The following TSPAN8 variants were observed in gnomAD, a reference collection of about 807,000 sequenced individuals.
TSPAN8 encodes the protein tetraspanin-8.
A neutral mutation model predicts 32.8 loss-of-function variants in TSPAN8; 21 were observed. The ratio of observed to expected loss-of-function variants is 0.64; its 90% CI spans 0.45 to 0.92. The LOEUF is 0.92. Ranked by LOEUF, TSPAN8 falls within the 40% of genes least tolerant of loss-of-function variation. TSPAN8 has a pLI of 0.00. For missense variants in TSPAN8, 269 were observed against 281.9 expected, an observed-to-expected ratio of 0.95 and a Z score of 0.33; for synonymous variants, 95 against 94.6, an observed-to-expected ratio of 1.00 and a Z score of -0.03.
chr12:71,147,719 T>A (rs1872121065), intron 2 of TSPAN8, among the ~76,000 whole-genome samples: 1 of 152,220 alleles, frequency 6.6e-6, no homozygotes, highest in East Asian at 1.9e-4. Context: ...GTAGGATTGT[T>A]ACTTGTGAGT....
At chr12:71,142,381 A>G (rs1469723081) in intron 3 of TSPAN8, among the ~76,000 whole-genome samples, 1 of 152,198 alleles carries the variant, frequency 6.6e-6, no homozygotes, top group African/African-American at 2.4e-5. Context: ...ACTAAACACC[A>G]AATTTGTTTA....
intron 2 of TSPAN8, among the ~76,000 whole-genome samples, chr12:71,155,004 G>A (rs561154757): frequency 1.3e-5 from 2 of 152,268 alleles, no homozygotes; most frequent in East Asian, 1.9e-4. Flanking sequence ...TGTTTCATAA[G>A]GATACTTAAA....
intron 6 of TSPAN8, among the ~76,000 whole-genome samples, chr12:71,135,423 C>A (rs1871663698): frequency 1.5e-5 from 2 of 130,480 alleles, no homozygotes; most frequent in Admixed American, 8.3e-5. Context: ...AGGAGGAAAA[C>A]AAGAGGAGGA....
chr12:71,155,366 GA>G (rs547326620), intron 2 of TSPAN8, among the ~76,000 whole-genome samples: 2 of 150,304 alleles, frequency 1.3e-5, no homozygotes, highest in East Asian at 1.9e-4. Context: ...ATTGTCGTGT[GA>G]AAAAAAAAGG....
chr12:71,148,256 A>G (rs189645607), intron 2 of TSPAN8, among the ~76,000 whole-genome samples: 213 of 152,308 alleles, frequency 1.4e-3, no homozygotes, highest in African/African-American at 5.0e-3. Context: ...TTACAGTGTG[A>G]ATACCTGAAG....
chr12:71,155,967 G>A (rs1441593868), intron 2 of TSPAN8, among the ~76,000 whole-genome samples: 1 of 152,016 alleles, frequency 6.6e-6, no homozygotes, highest in Non-Finnish European at 1.5e-5. Flanking sequence ...TCCTGACCTT[G>A]TGATCCACCC....
chr12:71,157,772 A>G lies in TSPAN8; in HGVS notation c.-94T>C. 1 of 919,264 alleles carries G rather than the reference A, an allele frequency of 1.1e-6. No homozygotes were observed. Among genetic ancestry groups the G allele is most frequent in the East Asian group, 2.4e-5 (1 of 41,616 alleles). The allele number at this position is 919,264 out of a possible 1,614,324, so 56.9% of individuals were successfully genotyped here. A position where few individuals can be genotyped will look rare whatever the true frequency, so the allele number is the denominator to read the frequency against. ...GCTCTGGAGCAACTTGCCTGCAGAG[A>G]TTTCTGTATCCACGGCTTCAGAGCA... On this transcript the variant is annotated 5_prime_UTR_variant, in exon 2 of 9. Coordinates refer to ENST00000247829, the MANE Select transcript of TSPAN8 (RefSeq NM_004616.3).
intron 2 of TSPAN8, among the ~76,000 whole-genome samples, chr12:71,156,273 C>CAAAA (rs1361979359): frequency 5.5e-5 from 2 of 36,584 alleles, no homozygotes; most frequent in African/African-American, 1.8e-4. Flanking sequence ...AAAAAACAAA[C>CAAAA]AAAAAAAAAA....
rs960139476 is a variant in TSPAN8 at position 71,144,267 on chromosome 12, C to T, written c.61-54G>A. On this transcript the variant is annotated intron_variant, in intron 2 of 8. Coordinates refer to ENST00000247829, the MANE Select transcript of TSPAN8 (RefSeq NM_004616.3). ...AATACAATTAGGATCATATGAAACT[C>T]TATTTCCACACCCTCCTATCTATCC... 1.4e-4 allele frequency: 215 copies of T among 1,506,816 alleles called. 1 individual carries two copies. In the South Asian group the frequency reaches 1.8e-3, roughly 13 times the overall value. The allele number at this position is 1,506,816 out of a possible 1,614,324, so 93.3% of individuals were successfully genotyped here.
Position 71,157,715 on chromosome 12 carries a change from T to C in TSPAN8, c.-37A>G. ...ATTAGGAATCCAGATGCCGTGAATT[T>C]AACTATTCGTTACAGGCTTGTCCTG... On this transcript the variant is annotated 5_prime_UTR_variant, in exon 2 of 9. The change abolishes the stop of an existing upstream ORF in the 5' untranslated region. Coordinates refer to ENST00000247829, the MANE Select transcript of TSPAN8 (RefSeq NM_004616.3). 1 of 1,538,602 alleles carries C rather than the reference T, an allele frequency of 6.5e-7. No homozygotes were observed. Among genetic ancestry groups the C allele is most frequent in the Non-Finnish European group, 9.0e-7 (1 of 1,111,554 alleles).
intron 3 of TSPAN8, among the ~76,000 whole-genome samples, chr12:71,143,919 A>C (rs892147457): frequency 6.6e-6 from 1 of 152,102 alleles, no homozygotes; most frequent in African/African-American, 2.4e-5. Flanking sequence ...TTTTTGAATA[A>C]CACCTCCTCC....
intron 4 of TSPAN8, 116 bp from the exon 5 acceptor site, chr12:71,138,346 T>A: frequency 1.0e-6 from 1 of 987,584 alleles, no homozygotes; most frequent in Non-Finnish European, 1.5e-6. Flanking sequence ...AGAGTGTCAG[T>A]CACACTCTTC....
chr12:71,149,547 C>T (rs1872180591), intron 2 of TSPAN8, among the ~76,000 whole-genome samples: 1 of 152,190 alleles, frequency 6.6e-6, no homozygotes, highest in East Asian at 1.9e-4. Flanking sequence ...AAATCTTCAG[C>T]CCCATATTGT....
At chr12:71,131,400 C>T (rs1280825502) in intron 7 of TSPAN8, among the ~76,000 whole-genome samples, 1 of 152,032 alleles carries the variant, frequency 6.6e-6, no homozygotes, top group Non-Finnish European at 1.5e-5. Context: ...GGCAGAGCCT[C>T]TTTAATTTTG....
intron 2 of TSPAN8, among the ~76,000 whole-genome samples, chr12:71,154,263 T>C (rs1260342578): frequency 6.6e-6 from 1 of 151,410 alleles, no homozygotes; most frequent in Non-Finnish European, 1.5e-5. Flanking sequence ...TGACCCGAGA[T>C]CATGCCGCTG....
chr12:71,129,298 TAA>T, intron 8 of TSPAN8, 31 bp downstream of exon 8: 1 of 1,495,492 alleles, frequency 6.7e-7, no homozygotes, highest in Non-Finnish European at 8.9e-7. Flanking sequence ...AGCAAGGGAA[TAA>T]AAGAGTCAAT....
At chr12:71,130,247 T>G (rs954317398) in intron 7 of TSPAN8, among the ~76,000 whole-genome samples, 2 of 152,166 alleles carry the variant, frequency 1.3e-5, no homozygotes, top group Non-Finnish European at 2.9e-5. Flanking sequence ...AAGTCACTGC[T>G]GCCGGAAAAA....
intron 4 of TSPAN8, among the ~76,000 whole-genome samples, 196 bp downstream of exon 4, chr12:71,139,515 C>T (rs2137052846): frequency 1.4e-5 from 1 of 70,596 alleles, no homozygotes; most frequent in East Asian, 2.8e-4. Flanking sequence ...TTTGTCTCCT[C>T]TCAGAGTATC....
chr12:71,152,274 T>A (rs1419064779), intron 2 of TSPAN8, among the ~76,000 whole-genome samples: 1 of 152,196 alleles, frequency 6.6e-6, no homozygotes, highest in African/African-American at 2.4e-5. Context: ...ATCCACTTTT[T>A]CCCCATTCCC....
Sources: gnomAD v4.1 joint callset for allele counts (sites outside exome capture counted in the v4.1 genomes callset) on GRCh38, gnomAD v4.1.1 for gene constraint, MANE v1.5 for transcripts, NCBI Gene and HGNC (gene_info 2026-07-23, HGNC 2026-07-21) for gene names.